The following TRMT11 variants were observed in gnomAD, a reference collection of about 807,000 sequenced individuals.
TRMT11 encodes tRNA methyltransferase 11, also known as tRNA (guanine(10)-N(2))-methyltransferase TRMT11.
Under a neutral mutation model 62.8 loss-of-function variants are expected in TRMT11, and 53 were observed. The ratio of observed to expected loss-of-function variants is 0.84; its 90% CI spans 0.68 to 1.06. The LOEUF (loss-of-function observed/expected upper bound fraction) is 1.06, where lower values mean the gene tolerates loss of function less well. Among genes scored for constraint, TRMT11 ranks in the 50% least tolerant of loss-of-function variants. The pLI is 0.00. For missense variants in TRMT11, 556 were observed against 553.4 expected (o/e 1.00, Z -0.05); for synonymous variants, 188 against 190.3 (o/e 0.99, Z 0.10).
intron 21 of TRMT11, among the ~76,000 whole-genome samples, chr6:126,168,721 G>C (rs2128234399): frequency 6.6e-6 from 1 of 152,274 alleles, no homozygotes; most frequent in African/African-American, 2.4e-5. Context: ...GTTTCACCCT[G>C]TTGGCCAGGC....
intron 21 of TRMT11, among the ~76,000 whole-genome samples, chr6:126,124,836 G>A (rs1358574998): frequency 5.3e-5 from 8 of 152,136 alleles, no homozygotes; most frequent in South Asian, 2.1e-4. Context: ...GTTGTATACC[G>A]CTGGAGTTAT....
At chr6:125,992,147 A>G (rs1222300176) in intron 1 of TRMT11, among the ~76,000 whole-genome samples, 1 of 152,198 alleles carries the variant, frequency 6.6e-6, no homozygotes, top group Admixed American at 6.5e-5. Flanking sequence ...TTGCTTTTCA[A>G]TTTGAAACTT....
chr6:126,217,064 A>C, the TRMT11 span, among the ~76,000 whole-genome samples: 2 of 151,858 alleles, frequency 1.3e-5, no homozygotes, highest in Non-Finnish European at 2.9e-5. Context: ...GTGTTTTTCA[A>C]CTCCCGAATT....
intron 12 of TRMT11, among the ~76,000 whole-genome samples, 165 bp downstream of exon 12, chr6:126,021,445 T>C (rs999026002): frequency 2.0e-5 from 3 of 152,142 alleles, no homozygotes; most frequent in Admixed American, 6.6e-5. Context: ...TGGCATCCAG[T>C]TGGGATTGAA....
chr6:126,247,477 C>CTATCTATCTGTT, the TRMT11 span, among the ~76,000 whole-genome samples: 125 of 148,550 alleles, frequency 8.4e-4, no homozygotes, highest in African/African-American at 2.9e-3. Flanking sequence ...ATCTATCTAT[C>CTATCTATCTGTT]TATCTATCTA....
At chr6:126,211,369 G>A in the TRMT11 span, among the ~76,000 whole-genome samples, 1 of 152,004 alleles carries the variant, frequency 6.6e-6, no homozygotes, top group Non-Finnish European at 1.5e-5. Flanking sequence ...CATTAGATTA[G>A]GTCAATGGAT....
chr6:126,110,558 A>G (rs1426977573), intron 17 of TRMT11, among the ~76,000 whole-genome samples: 2 of 151,956 alleles, frequency 1.3e-5, no homozygotes, highest in African/African-American at 4.8e-5. Context: ...TTTTCTATTC[A>G]TTTAATTTAA....
At chr6:125,995,845 C>G in intron 2 of TRMT11, 122 bp from the exon 3 acceptor site, 1 of 667,268 alleles carries the variant, frequency 1.5e-6, no homozygotes, top group African/African-American at 1.8e-5. Context: ...TGGTTACAGT[C>G]AGATCAGATA....
chr6:126,046,516 A>T (rs1392059181), intron 16 of TRMT11, among the ~76,000 whole-genome samples: 1 of 152,140 alleles, frequency 6.6e-6, no homozygotes, highest in Non-Finnish European at 1.5e-5. Context: ...CTCCACCTTT[A>T]ACCTGACCTC....
the TRMT11 span, among the ~76,000 whole-genome samples, chr6:126,238,642 A>G: frequency 2.6e-3 from 393 of 152,264 alleles, 1 homozygote; most frequent in Non-Finnish European, 4.6e-3. Flanking sequence ...TATGTGGTCA[A>G]TTTTGGAATA....
Position 125,986,611 on chromosome 6 carries a change from T to C in TRMT11, c.61T>C (p.Phe21Leu). 1 of 1,577,486 alleles carries C rather than the reference T, an allele frequency of 6.3e-7. No individual in the cohort carries two copies. The highest frequency in any genetic ancestry group is 8.6e-7 in the Non-Finnish European group (1 of 1,164,486). ...LLLMAQEHLEFRLPEIKSLLL... is the reference protein window; with the variant it reads ...LLLMAQEHLELRLPEIKSLLL... Reference sequence around the variant, plus strand: ...CCTCATGGCGCAGGAGCATCTGGAGTTCCGCCTGCCGGTGAGTCCGTAGCG... The same window carrying C: ...CCTCATGGCGCAGGAGCATCTGGAGCTCCGCCTGCCGGTGAGTCCGTAGCG... Residue 21 changes from phenylalanine to leucine, a missense_variant, in exon 1 of 13, where the codon TTC becomes CTC. Phe to Leu is a conservative substitution (Grantham distance 22). Transcript: ENST00000334379.
In TRMT11 at chr6:126,124,068, G is replaced by T. The variant is rs1355777551; in HGVS notation, c.*1823+8213G>T. On this transcript the variant is annotated intron_variant and NMD_transcript_variant, in intron 21 of 22. Coordinates refer to the TRMT11 transcript ENST00000648977. Reference sequence around the variant, plus strand: ...GGTTTTTTGGTTTTGTCTTTTGATTGTGGCTCATGCATTTTTTGTTAGGGG... The same window carrying T: ...GGTTTTTTGGTTTTGTCTTTTGATTTTGGCTCATGCATTTTTTGTTAGGGG... Among the ~76,000 whole-genome samples the T allele has an allele frequency of 2.0e-5, 3 of 151,888 alleles. No individual in the cohort carries two copies. The East Asian group carries it at 5.8e-4, about 29-fold the overall frequency.
chr6:126,099,406 C>T (rs968512016), intron 17 of TRMT11, among the ~76,000 whole-genome samples: 3 of 152,190 alleles, frequency 2.0e-5, no homozygotes, highest in Non-Finnish European at 4.4e-5. Context: ...CTGTGACCTG[C>T]TGTGATAACT....
At chr6:126,247,592 A>C in the TRMT11 span, among the ~76,000 whole-genome samples, 2 of 148,062 alleles carry the variant, frequency 1.4e-5, no homozygotes, top group African/African-American at 4.9e-5. Context: ...GTCATTATAA[A>C]AAAGAAGCAA....
At chr6:126,193,015 C>G (rs1042258612) in intron 1 of TRMT11, among the ~76,000 whole-genome samples, 2 of 152,044 alleles carry the variant, frequency 1.3e-5, no homozygotes, top group Non-Finnish European at 2.9e-5. Flanking sequence ...GGTATTAGTT[C>G]TTTCTTAAAT....
chr6:126,115,274 G>A (rs560879541), intron 19 of TRMT11, among the ~76,000 whole-genome samples: 24 of 152,100 alleles, frequency 1.6e-4, no homozygotes, highest in South Asian at 1.5e-3. Flanking sequence ...ACTATTATTC[G>A]TCTTCTCTGT....
intron 17 of TRMT11, among the ~76,000 whole-genome samples, chr6:126,065,364 C>T (rs139461437): frequency 1.3e-5 from 2 of 152,164 alleles, no homozygotes; most frequent in East Asian, 1.9e-4. Flanking sequence ...TGAGAGGCAA[C>T]CACAGAGAGC....
At chr6:126,005,306 G>A (rs2128793761) in intron 7 of TRMT11, among the ~76,000 whole-genome samples, 1 of 152,142 alleles carries the variant, frequency 6.6e-6, no homozygotes, top group East Asian at 1.9e-4. Flanking sequence ...AATCCCAAAG[G>A]AGGTAGTATG....
intron 18 of TRMT11, among the ~76,000 whole-genome samples, chr6:126,113,347 G>A (rs1777552707): frequency 6.6e-6 from 1 of 152,028 alleles, no homozygotes; most frequent in Non-Finnish European, 1.5e-5. Flanking sequence ...AACCAATATA[G>A]GAGGCTAGTT....
Sources: allele counts gnomAD v4.1 joint callset (sites outside exome capture counted in the v4.1 genomes callset), GRCh38; gene constraint gnomAD v4.1.1; transcripts MANE v1.5; gene names NCBI Gene and HGNC (gene_info 2026-07-23, HGNC 2026-07-21).